The following PALS2 variants were observed in gnomAD, a reference collection of about 807,000 sequenced individuals.
PALS2 encodes the protein protein PALS2.
Under a neutral mutation model 61.6 loss-of-function variants are expected in PALS2, and 27 were observed. The observed-to-expected ratio is 0.44, with a 90% CI of 0.32 to 0.60. The LOEUF (loss-of-function observed/expected upper bound fraction) is 0.60. PALS2 is among the 20% of genes least tolerant of loss of function. The probability of loss-of-function intolerance (pLI) is 0.05; values close to 1 mark genes in which losing one functional copy is unlikely to be tolerated. For synonymous variants in PALS2, 236 were observed against 218.6 expected (o/e 1.08, Z -0.70); for missense variants, 554 against 639.4 (o/e 0.87, Z 1.44).
At chr7:24,579,372 A>T (rs1448183483) in intron 1 of PALS2, among the ~76,000 whole-genome samples, 1 of 152,230 alleles carries the variant, frequency 6.6e-6, no homozygotes, top group African/African-American at 2.4e-5. Context: ...GGTAAATAGA[A>T]AAGGCTGGAA....
intron 1 of PALS2, among the ~76,000 whole-genome samples, chr7:24,587,370 A>G (rs2128042005): frequency 6.6e-6 from 1 of 152,056 alleles, no homozygotes; most frequent in South Asian, 2.1e-4. Context: ...AGTAAGGAAT[A>G]TGTTATTTTT....
At chr7:24,608,152 T>G (rs910062401) in intron 1 of PALS2, among the ~76,000 whole-genome samples, 3 of 152,192 alleles carry the variant, frequency 2.0e-5, no homozygotes, top group African/African-American at 7.2e-5. Context: ...ATCACAACTT[T>G]GGAGTCTACT....
Position 24,666,172 on chromosome 7 carries a change from T to C in PALS2, c.952+83T>C. The C allele has an allele frequency of 2.4e-6, 3 of 1,225,812 alleles. No homozygotes were observed. In the South Asian group the frequency reaches 3.9e-5, roughly 16 times the overall value. 75.9% of individuals were successfully genotyped at this position (1,225,812 alleles called of 1,614,324 possible). Reference sequence around the variant, plus strand: ...TGGCATAAACTCTGAATATACAGCTTTAAGTGAGTGTAATTCAGATTAGTA... The same window carrying C: ...TGGCATAAACTCTGAATATACAGCTCTAAGTGAGTGTAATTCAGATTAGTA... On this transcript the variant is annotated intron_variant, in intron 8 of 11. Coordinates refer to ENST00000222644, the MANE Select transcript of PALS2 (RefSeq NM_001303037.2).
intron 2 of PALS2, among the ~76,000 whole-genome samples, chr7:24,629,378 A>G (rs56133391): frequency 0.058 from 8,792 of 152,282 alleles, 287 homozygotes; most frequent in African/African-American, 0.075. Context: ...CTAAGACCAT[A>G]AAAACCCTAG....
intron 2 of PALS2, among the ~76,000 whole-genome samples, chr7:24,640,110 G>GT (rs1468452377): frequency 2.6e-5 from 4 of 151,532 alleles, no homozygotes; most frequent in Admixed American, 2.6e-4. Flanking sequence ...AGCCACTGTA[G>GT]TTTAATTTTT....
At chr7:24,633,360 T>G (rs1785089722) in intron 2 of PALS2, among the ~76,000 whole-genome samples, 1 of 150,944 alleles carries the variant, frequency 6.6e-6, no homozygotes. Context: ...GTTTTTTTTT[T>G]TTTTTTTTTC....
intron 2 of PALS2, among the ~76,000 whole-genome samples, chr7:24,628,671 A>G (rs935749596): frequency 6.6e-6 from 1 of 152,210 alleles, no homozygotes; most frequent in Non-Finnish European, 1.5e-5. Context: ...TCAGCGCGCA[A>G]AAATCCCAAG....
intron 3 of PALS2, among the ~76,000 whole-genome samples, chr7:24,644,738 G>A (rs1785743146): frequency 6.6e-6 from 1 of 151,970 alleles, no homozygotes; most frequent in African/African-American, 2.4e-5. Flanking sequence ...TTCTACAGTG[G>A]TTGAGCTAAT....
At chr7:24,631,043 T>A (rs778191509) in intron 2 of PALS2, among the ~76,000 whole-genome samples, 1 of 152,216 alleles carries the variant, frequency 6.6e-6, no homozygotes, top group Non-Finnish European at 1.5e-5. Context: ...TTTCAAGTCT[T>A]AGTTAAATAC....
chr7:24,629,405 T>C (rs1424366850), intron 2 of PALS2, among the ~76,000 whole-genome samples: 1 of 152,164 alleles, frequency 6.6e-6, no homozygotes, highest in African/African-American at 2.4e-5. Flanking sequence ...ACCTAGGCAG[T>C]ACCATTCAGG....
chr7:24,657,252 T>C (rs1389243538), intron 5 of PALS2, among the ~76,000 whole-genome samples: 2 of 152,256 alleles, frequency 1.3e-5, no homozygotes, highest in Non-Finnish European at 2.9e-5. Context: ...TTGAGTCATA[T>C]GGTAGGTATA....
At chr7:24,635,783 G>C (rs1785205193) in intron 2 of PALS2, among the ~76,000 whole-genome samples, 1 of 152,006 alleles carries the variant, frequency 6.6e-6, no homozygotes, top group African/African-American at 2.4e-5. Flanking sequence ...TTATTTTATG[G>C]ATATGTCAGG....
rs1584027292 is a variant in PALS2 at position 24,691,135 on chromosome 7, A to G, written c.*3521A>G. 1 of 152,016 alleles carries G rather than the reference A, an allele frequency of 6.6e-6. No individual in the cohort carries two copies. The highest frequency in any genetic ancestry group is 2.4e-5 in the African/African-American group (1 of 41,426). 9.4% of individuals were successfully genotyped at this position (152,016 alleles called of 1,614,324 possible). A position where few individuals can be genotyped will look rare whatever the true frequency, so the allele number is the denominator to read the frequency against. On this transcript the variant is annotated 3_prime_UTR_variant, in exon 12 of 12. Transcript: ENST00000222644. ...GAGTTGATTTTCAAGGTGGATAGCC[A>G]TAGAGTTAGGTAAAATTATTTTGAA...
chr7:24,610,206 T>A (rs1017654383), intron 1 of PALS2, among the ~76,000 whole-genome samples: 1 of 152,138 alleles, frequency 6.6e-6, no homozygotes, highest in Non-Finnish European at 1.5e-5. Flanking sequence ...CATTCCCCCA[T>A]TTAACAGGTG....
At chr7:24,645,732 G>T (rs1032972797) in intron 3 of PALS2, among the ~76,000 whole-genome samples, 1 of 152,024 alleles carries the variant, frequency 6.6e-6, no homozygotes, top group South Asian at 2.1e-4. Context: ...AATAATATTG[G>T]TTCTTCCTAT....
At chr7:24,613,452 CTTTT>C (rs1367944390) in intron 1 of PALS2, among the ~76,000 whole-genome samples, 1 of 151,390 alleles carries the variant, frequency 6.6e-6, no homozygotes, top group Non-Finnish European at 1.5e-5. Context: ...TGTGTCTTGC[CTTTT>C]TTTAATTAAT....
chr7:24,677,680 A>G (rs1006201125), intron 9 of PALS2, among the ~76,000 whole-genome samples: 42 of 152,320 alleles, frequency 2.8e-4, no homozygotes, highest in Admixed American at 3.3e-4. Context: ...ACATTTATTG[A>G]GAAGTTTTAT....
At chr7:24,660,270 T>C (rs1176475228) in intron 5 of PALS2, among the ~76,000 whole-genome samples, 1 of 145,404 alleles carries the variant, frequency 6.9e-6, no homozygotes, top group African/African-American at 2.6e-5. Flanking sequence ...AAAAATGTAA[T>C]ATGTATTCAG....
intron 1 of PALS2, among the ~76,000 whole-genome samples, chr7:24,593,231 G>A (rs1304900692): frequency 6.6e-6 from 1 of 152,012 alleles, no homozygotes; most frequent in Non-Finnish European, 1.5e-5. Context: ...GTTTTATCAT[G>A]AGATTGTAGC....
Sources: gnomAD v4.1 joint callset for allele counts (sites outside exome capture counted in the v4.1 genomes callset) on GRCh38, gnomAD v4.1.1 for gene constraint, MANE v1.5 for transcripts, NCBI Gene and HGNC (gene_info 2026-07-23, HGNC 2026-07-21) for gene names.